LEKR1: variants seen among roughly 807,000 people sequenced by gnomAD.
The protein encoded by LEKR1 is protein LEKR1.
LEKR1 carries 59 observed loss-of-function variants against 72.4 expected under a neutral mutation model. That is an observed-to-expected ratio of 0.82 (90% CI 0.66 to 1.01). The LOEUF (loss-of-function observed/expected upper bound fraction) is 1.01, where lower values mean the gene tolerates loss of function less well. Among genes scored for constraint, LEKR1 ranks in the 50% least tolerant of loss-of-function variants. The pLI, the probability that LEKR1 is intolerant of heterozygous loss-of-function variation, is 0.00. For synonymous variants in LEKR1, 257 were observed against 263.2 expected (o/e 0.98, Z 0.23); for missense variants, 728 against 759.2 (o/e 0.96, Z 0.48).
rs1731269959 is a variant in LEKR1, at chr3:156,993,132, A to G, written c.964A>G (p.Lys322Glu). Residue 322 changes from lysine (K) to glutamate (E), a missense_variant, in exon 9 of 13, where the codon AAA becomes GAA. Transcript: ENST00000356539. ...DSLMTCQQIY[K>E]ALQEELTVKE... ...TTTAATGACTTGTCAACAGATATATAAAGCATTACAGGAAGAGCTGACTGT... is the reference window on the plus strand; with the variant it reads ...TTTAATGACTTGTCAACAGATATATGAAGCATTACAGGAAGAGCTGACTGT... The G allele has an allele frequency of 6.2e-7, 1 of 1,612,404 alleles. No individual in the cohort carries two copies. Among genetic ancestry groups the G allele is most frequent in the Non-Finnish European group, 8.5e-7 (1 of 1,179,060 alleles).
intron 3 of LEKR1, among the ~76,000 whole-genome samples, chr3:156,882,919 A>G (rs973960658): frequency 6.6e-5 from 10 of 151,552 alleles, no homozygotes; most frequent in South Asian, 2.1e-4. Flanking sequence ...ACCAAACACC[A>G]CATATTCTCA....
rs551315946 is a variant in LEKR1, at chr3:156,941,010, G to A, written c.560-1519G>A. 1.6e-4 allele frequency among the ~76,000 whole-genome samples: 25 copies of A among 151,936 alleles called. No homozygotes were observed. In the South Asian group the frequency reaches 5.0e-3, roughly 30 times the overall value. ...CCAGAAAGACTTTTTAGGTACGTAGGGAAACTGTAACCTCCTTATTTTCTT... is the reference window on the plus strand; with the variant it reads ...CCAGAAAGACTTTTTAGGTACGTAGAGAAACTGTAACCTCCTTATTTTCTT... On this transcript the variant is annotated intron_variant, in intron 5 of 12. Transcript: ENST00000356539.
rs773077006 is a variant in LEKR1 at position 157,045,369 on chromosome 3, A to G, written c.1698A>G (p.Arg566=). ...ENTFLQETVR[R]ECEERFELTE... ...CTTTTCTTCAGGAGACAGTGCGTAGAGAATGTGAAGAACGCTTTGAACTGA... is the reference window on the plus strand; with the variant it reads ...CTTTTCTTCAGGAGACAGTGCGTAGGGAATGTGAAGAACGCTTTGAACTGA... Residue 566 remains arginine, a synonymous_variant, in exon 13 of 13, where the codon AGA becomes AGG. Transcript: ENST00000356539. 1.2e-6 allele frequency: 2 copies of G among 1,613,950 alleles called. No individual in the cohort carries two copies. The highest frequency in any genetic ancestry group is 2.2e-5 in the South Asian group (2 of 91,076).
intron 6 of LEKR1, among the ~76,000 whole-genome samples, chr3:156,956,161 T>C (rs1048896666): frequency 6.6e-6 from 1 of 151,896 alleles, no homozygotes; most frequent in Non-Finnish European, 1.5e-5. Context: ...GGGAGGCTGC[T>C]AGATTCACAG....
chr3:156,966,925 C>G (rs1332373258), intron 6 of LEKR1, among the ~76,000 whole-genome samples: 3 of 152,156 alleles, frequency 2.0e-5, no homozygotes, highest in African/African-American at 7.2e-5. Flanking sequence ...TCGTCTGAGA[C>G]AAAACTTCCA....
chr3:157,002,685 G>C (rs141620494), intron 9 of LEKR1, among the ~76,000 whole-genome samples: 347 of 152,112 alleles, frequency 2.3e-3, no homozygotes, highest in Non-Finnish European at 4.3e-3. Context: ...ATAATATCAA[G>C]CAAAATTACC....
In LEKR1 at chr3:156,962,479, G is replaced by A. The variant is rs372384941; in HGVS notation, c.746-16715G>A. The stretch of plus-strand genomic sequence containing the variant: ...GATCTCTAGACAAATTGCAAGCCAG[G>A]CAGTATTAACTAAAATTCTAAGAAA... On this transcript the variant is annotated intron_variant, in intron 6 of 12. Coordinates refer to ENST00000356539, the MANE Select transcript of LEKR1 (RefSeq NM_001004316.3). 3.2e-4 allele frequency among the ~76,000 whole-genome samples: 49 copies of A among 152,320 alleles called. No homozygotes were observed. In the East Asian group the frequency reaches 6.7e-3, roughly 21 times the overall value.
chr3:157,004,520 T>G (rs1247549655), intron 9 of LEKR1, among the ~76,000 whole-genome samples: 2 of 152,108 alleles, frequency 1.3e-5, no homozygotes, highest in Non-Finnish European at 2.9e-5. Context: ...GAATACACAT[T>G]TTCCCGCCGT....
At chr3:157,036,004 A>G (rs929238160) in intron 12 of LEKR1, among the ~76,000 whole-genome samples, 1 of 152,222 alleles carries the variant, frequency 6.6e-6, no homozygotes, top group African/African-American at 2.4e-5. Context: ...GATATCAGCC[A>G]ATAAACTGTA....
At chr3:157,038,009 A>G (rs1040986450) in intron 12 of LEKR1, among the ~76,000 whole-genome samples, 1 of 152,208 alleles carries the variant, frequency 6.6e-6, no homozygotes, top group African/African-American at 2.4e-5. Flanking sequence ...GAGTCTTCGT[A>G]GGCTATGATA....
rs1309085059 is a variant in LEKR1 at position 156,854,601 on chromosome 3, A to C, written c.263+1619A>C. 3.8e-4 allele frequency among the ~76,000 whole-genome samples: 57 copies of C among 148,770 alleles called. 1 individual carries two copies. The highest frequency in any genetic ancestry group is 5.9e-5 in the Non-Finnish European group (4 of 67,394). On this transcript the variant is annotated intron_variant, in intron 3 of 12. Transcript: ENST00000356539. ...GTTGCCCAGGCTGGTGTGAAATGGC[A>C]CTATACACGGCTCACTGTAGCCTTG...
At position 156,979,199 on chromosome 3, in the gene LEKR1, C is replaced by T. The variant is rs1259768315; in HGVS notation, c.751C>T (p.Gln251Ter). The T allele has an allele frequency of 3.2e-6, 4 of 1,269,062 alleles. No homozygotes were observed. The East Asian group carries it at 1.7e-4, about 53-fold the overall frequency. 78.6% of individuals were successfully genotyped at this position (1,269,062 alleles called of 1,614,324 possible). ...YDLQKEVLDL[Q>*]CLVEALGLKL... Reference sequence around the variant, plus strand: ...AATACATTGTGTCATTTCAGATTTACAATGTCTAGTAGAGGCACTTGGATT... The same window carrying T: ...AATACATTGTGTCATTTCAGATTTATAATGTCTAGTAGAGGCACTTGGATT... The change falls in exon 7 of 13, where the codon CAA becomes TAA. Residue 251 changes from glutamine (Q) to a stop codon, truncating the protein, a stop_gained. Transcript: ENST00000356539. LOFTEE classifies it high-confidence loss of function.
intron 12 of LEKR1, among the ~76,000 whole-genome samples, chr3:157,035,795 AG>A (rs1734929831): frequency 6.6e-6 from 1 of 152,200 alleles, no homozygotes; most frequent in Non-Finnish European, 1.5e-5. Context: ...GCTACTTGGG[AG>A]GCTGAGGCAC....
At chr3:156,979,454 TG>T in intron 7 of LEKR1, 179 bp downstream of exon 7, 1 of 293,960 alleles carries the variant, frequency 3.4e-6, no homozygotes, top group Non-Finnish European at 6.8e-6. Context: ...CCCACTTTAC[TG>T]GCCTAGATTA....
At chr3:156,900,284 A>G (rs1721890521) in intron 3 of LEKR1, among the ~76,000 whole-genome samples, 1 of 152,160 alleles carries the variant, frequency 6.6e-6, no homozygotes, top group African/African-American at 2.4e-5. Context: ...TTGTGCTTAT[A>G]AAAAACAACA....
intron 2 of LEKR1, among the ~76,000 whole-genome samples, chr3:156,839,995 C>T (rs962643373): frequency 2.6e-5 from 4 of 152,146 alleles, no homozygotes; most frequent in African/African-American, 9.7e-5. Flanking sequence ...AACACCAACC[C>T]CTCCTCTTCC....
intron 9 of LEKR1, among the ~76,000 whole-genome samples, chr3:156,996,497 A>G (rs543098826): frequency 6.6e-6 from 1 of 152,316 alleles, no homozygotes; most frequent in South Asian, 2.1e-4. Context: ...TTTCAGTGCA[A>G]TGAAGAGAAA....
At chr3:156,904,128 C>T (rs553930246) in intron 3 of LEKR1, among the ~76,000 whole-genome samples, 2 of 152,180 alleles carry the variant, frequency 1.3e-5, no homozygotes, top group Admixed American at 6.5e-5. Flanking sequence ...CCAACGCCTA[C>T]TGGGCATTGT....
rs757174915 is a variant in LEKR1, at chr3:157,028,289, G to T, written c.1555G>T (p.Asp519Tyr). Reference sequence around the variant, plus strand: ...CTTGAAGAAGGAAATTGACAGTAATGATTCAGTTTCAGAAAACTTGAGGAA... The same window carrying T: ...CTTGAAGAAGGAAATTGACAGTAATTATTCAGTTTCAGAAAACTTGAGGAA... Reference protein sequence around the residue: ...SRLKKEIDSNDSVSENLRKEM... With the variant: ...SRLKKEIDSNYSVSENLRKEM... Residue 519 changes from aspartate (D) to tyrosine (Y), a missense_variant, in exon 12 of 13, where the codon GAT becomes TAT. Physicochemically the swap from Asp to Tyr is radical, Grantham distance 160. Transcript: ENST00000356539. The T allele has an allele frequency of 6.2e-7, 1 of 1,613,314 alleles. No individual in the cohort carries two copies. Among genetic ancestry groups the T allele is most frequent in the Admixed American group, 1.7e-5 (1 of 59,924 alleles).
Sources: allele counts gnomAD v4.1 joint callset (sites outside exome capture counted in the v4.1 genomes callset), GRCh38; gene constraint gnomAD v4.1.1; transcripts MANE v1.5; gene names NCBI Gene and HGNC (gene_info 2026-07-23, HGNC 2026-07-21).